THSD4: variants seen among roughly 807,000 people sequenced by gnomAD.
THSD4 encodes thrombospondin type-1 domain-containing protein 4.
A neutral mutation model predicts 119.0 loss-of-function variants in THSD4; 69 were observed. That is an observed-to-expected ratio of 0.58 (90% confidence interval 0.48 to 0.71). The LOEUF is 0.71. Among genes scored for constraint, THSD4 ranks in the 30% least tolerant of loss-of-function variants. The pLI, the probability that THSD4 is intolerant of heterozygous loss-of-function variation, is 0.00. For synonymous variants in THSD4, 524 were observed against 540.4 expected, an observed-to-expected ratio of 0.97 and a Z score of 0.42; for missense variants, 1,393 against 1,391.1, an observed-to-expected ratio of 1.00 and a Z score of -0.02.
chr15:71,646,425 A>G (rs1214344563), intron 7 of THSD4, among the ~76,000 whole-genome samples: 1 of 152,142 alleles, frequency 6.6e-6, no homozygotes, highest in Non-Finnish European at 1.5e-5. Flanking sequence ...TTTTACTTCC[A>G]TATTTGCTGC....
intron 15 of THSD4, among the ~76,000 whole-genome samples, chr15:71,760,988 G>A (rs1298829551): frequency 6.6e-6 from 1 of 151,828 alleles, no homozygotes; most frequent in Non-Finnish European, 1.5e-5. Flanking sequence ...TGTCTTTCAG[G>A]ACTATTTTTG....
intron 7 of THSD4, among the ~76,000 whole-genome samples, chr15:71,656,465 G>A (rs2051194892): frequency 6.6e-6 from 1 of 152,198 alleles, no homozygotes; most frequent in Non-Finnish European, 1.5e-5. Flanking sequence ...AATGTTAAAA[G>A]AGCCAGTGTA....
In THSD4 at chr15:71,621,439, T is replaced by C. The variant is rs1595796298; in HGVS notation, c.1153-39091T>C. On this transcript the variant is annotated intron_variant, in intron 7 of 17. Coordinates refer to ENST00000261862, the MANE Select transcript of THSD4 (RefSeq NM_024817.3). ...CCTGAGATGCTATGAAACACTAACT[T>C]TATTCCAGTTATTTGTTGTTTTGCA... Among the ~76,000 whole-genome samples, 3 of 152,214 alleles carry C rather than the reference T, an allele frequency of 2.0e-5. No homozygotes were observed. The South Asian group carries it at 6.3e-4, about 32-fold the overall frequency.
At chr15:71,494,426 A>C (rs1344590948) in intron 7 of THSD4, among the ~76,000 whole-genome samples, 1 of 152,138 alleles carries the variant, frequency 6.6e-6, no homozygotes, top group Non-Finnish European at 1.5e-5. Flanking sequence ...GCAAGCACAA[A>C]ATGTAAGTAG....
intron 7 of THSD4, among the ~76,000 whole-genome samples, chr15:71,450,107 A>G (rs1026608699): frequency 1.3e-5 from 2 of 152,206 alleles, no homozygotes; most frequent in Non-Finnish European, 2.9e-5. Context: ...GGACAAATAT[A>G]TAAATCCAGC....
At chr15:71,642,647 G>A (rs1338725692) in intron 7 of THSD4, among the ~76,000 whole-genome samples, 1 of 152,146 alleles carries the variant, frequency 6.6e-6, no homozygotes, top group Non-Finnish European at 1.5e-5. Context: ...CACGTCCTTT[G>A]TAGGGACACG....
At chr15:71,264,965 G>T (rs1451786224) in intron 6 of THSD4, among the ~76,000 whole-genome samples, 1 of 152,094 alleles carries the variant, frequency 6.6e-6, no homozygotes, top group Non-Finnish European at 1.5e-5. Flanking sequence ...TGAAGATGGG[G>T]ACTCTAAGGA....
chr15:71,122,678 G>T (rs890347430), intron 1 of THSD4, among the ~76,000 whole-genome samples: 1 of 152,144 alleles, frequency 6.6e-6, no homozygotes, highest in Non-Finnish European at 1.5e-5. Context: ...CCTAAGCAGG[G>T]TTCCCATTTT....
At chr15:71,720,822 C>T (rs1020822410) in intron 8 of THSD4, among the ~76,000 whole-genome samples, 1 of 152,232 alleles carries the variant, frequency 6.6e-6, no homozygotes, top group African/African-American at 2.4e-5. Context: ...TCGGTTTGTT[C>T]GGCTACTTAC....
At chr15:71,442,191 C>G (rs2047106142) in intron 7 of THSD4, among the ~76,000 whole-genome samples, 1 of 151,956 alleles carries the variant, frequency 6.6e-6, no homozygotes, top group Non-Finnish European at 1.5e-5. Flanking sequence ...ATCTCCTGAC[C>G]TCGTGATCCA....
At chr15:71,629,191 C>T (rs2050567689) in intron 7 of THSD4, among the ~76,000 whole-genome samples, 1 of 152,218 alleles carries the variant, frequency 6.6e-6, no homozygotes, top group Non-Finnish European at 1.5e-5. Context: ...GGGGCTCCCT[C>T]TGCATGAACA....
In THSD4 at chr15:71,333,394, A is replaced by G. The variant is rs188976839; in HGVS notation, c.1015+76679A>G. On this transcript the variant is annotated intron_variant, in intron 6 of 17. Coordinates refer to ENST00000261862, the MANE Select transcript of THSD4 (RefSeq NM_024817.3). The stretch of plus-strand genomic sequence containing the variant: ...TCACTGTGGTCATAGAGAATTGCCC[A>G]TGGAGATTCCAAACAGATGTCTATT... Among the ~76,000 whole-genome samples the G allele has an allele frequency of 1.9e-3, 288 of 152,282 alleles. 7 individuals are homozygous for G. The highest frequency in any genetic ancestry group is 0.018 in the Admixed American group (271 of 15,296).
At chr15:71,486,279 A>G (rs2047815196) in intron 7 of THSD4, among the ~76,000 whole-genome samples, 1 of 152,078 alleles carries the variant, frequency 6.6e-6, no homozygotes, top group Admixed American at 6.6e-5. Flanking sequence ...TAACAGCTGT[A>G]GTTTCTCCCC....
At chr15:71,331,816 C>A (rs985149234) in intron 6 of THSD4, among the ~76,000 whole-genome samples, 3 of 148,572 alleles carry the variant, frequency 2.0e-5, no homozygotes, top group Admixed American at 6.6e-5. Flanking sequence ...TTCCTTGCCC[C>A]CCCCTCCCCA....
chr15:71,609,654 C>T (rs1426116006), intron 7 of THSD4, among the ~76,000 whole-genome samples: 1 of 152,032 alleles, frequency 6.6e-6, no homozygotes, highest in African/African-American at 2.4e-5. Flanking sequence ...AAATTGAGAC[C>T]ATCCTGGCTA....
rs1379135447 is a variant in THSD4, at chr15:71,699,313, C to T, written c.1358-29236C>T. Among the ~76,000 whole-genome samples the T allele has an allele frequency of 4.3e-5, 3 of 69,278 alleles. 1 individual carries two copies. Among genetic ancestry groups the T allele is most frequent in the African/African-American group, 2.7e-4 (3 of 11,300 alleles). 45.4% of individuals were successfully genotyped at this position (69,278 alleles called of 152,430 possible). A position where few individuals can be genotyped will look rare whatever the true frequency, so the allele number is the denominator to read the frequency against. On this transcript the variant is annotated intron_variant, in intron 8 of 17. Transcript: ENST00000261862. ...CTGCAAGCTCCGCCTCCCGGGTTCA[C>T]GCCATTCTCCTGCCTCAGCCTCCCA...
At chr15:71,559,594 G>A (rs1266986970) in intron 7 of THSD4, among the ~76,000 whole-genome samples, 1 of 150,772 alleles carries the variant, frequency 6.6e-6, no homozygotes, top group Non-Finnish European at 1.5e-5. Context: ...ATGTTTATTG[G>A]GCAAGTAATT....
intron 17 of THSD4, among the ~76,000 whole-genome samples, chr15:71,771,849 G>A (rs1287111619): frequency 1.3e-5 from 2 of 152,214 alleles, no homozygotes; most frequent in Non-Finnish European, 2.9e-5. Context: ...GTGTTAGGGA[G>A]GTTAGGCCCT....
At chr15:71,493,271 C>T (rs2047951936) in intron 7 of THSD4, among the ~76,000 whole-genome samples, 1 of 152,212 alleles carries the variant, frequency 6.6e-6, no homozygotes, top group Admixed American at 6.5e-5. Context: ...GTGAGACCAC[C>T]TGCGGCGTCT....
Sources: gnomAD v4.1 joint callset for allele counts (sites outside exome capture counted in the v4.1 genomes callset) on GRCh38, gnomAD v4.1.1 for gene constraint, MANE v1.5 for transcripts, NCBI Gene and HGNC (gene_info 2026-07-23, HGNC 2026-07-21) for gene names.